VSIG1: variants seen among roughly 807,000 people sequenced by gnomAD.
The protein encoded by VSIG1 is V-set and immunoglobulin domain containing 1.
In VSIG1, 11 loss-of-function variants were observed where a neutral mutation model predicts 20.1. The ratio of observed to expected loss-of-function variants is 0.55; its 90% CI spans 0.34 to 0.91. The LOEUF (loss-of-function observed/expected upper bound fraction) is 0.91. Among genes scored for constraint, VSIG1 ranks in the 40% least tolerant of loss-of-function variants. The probability of loss-of-function intolerance (pLI) is 0.02; values close to 1 mark genes in which losing one functional copy is unlikely to be tolerated. For synonymous variants in VSIG1, 126 were observed against 116.7 expected (o/e 1.08, Z -0.52); for missense variants, 283 against 298.8 (o/e 0.95, Z 0.39).
chrX:108,047,869 TACACATATATATATATAC>T (rs1412961087), intron 1 of VSIG1, among the ~76,000 whole-genome samples: 36 of 58,492 alleles, frequency 6.2e-4, no homozygotes, highest in Admixed American at 2.2e-3. Flanking sequence ...CATATATATA[TACACATATATATATATAC>T]ACACATATAT....
In VSIG1 at chrX:108,077,093, A is replaced by G. The variant is rs2031363857; in HGVS notation, c.876A>G (p.Pro292=). The G allele has an allele frequency of 8.3e-7, 1 of 1,211,499 alleles. No homozygotes were observed. The part of the protein sequence containing the change: ...INPRGESEAM[P]REDATQLEVT... Reference sequence around the variant, plus strand: ...CAAGGGGAGAAAGCGAAGCAATGCCAAGAGAAGACGCTACCCAACTAGAAG... The same window carrying G: ...CAAGGGGAGAAAGCGAAGCAATGCCGAGAGAAGACGCTACCCAACTAGAAG... Residue 292 remains proline, a synonymous_variant, in exon 7 of 7, where the codon CCA becomes CCG. Coordinates refer to ENST00000217957, the MANE Select transcript of VSIG1 (RefSeq NM_182607.5).
At chrX:108,033,641 C>T in the VSIG1 span, among the ~76,000 whole-genome samples, 3 of 111,549 alleles carry the variant, frequency 2.7e-5, no homozygotes, top group Non-Finnish European at 5.6e-5. Flanking sequence ...GCCTGAATGT[C>T]TGCCCTGCCC....
intron 1 of VSIG1, among the ~76,000 whole-genome samples, chrX:108,047,971 T>TACACATATATATATATATATACAC (rs1569287489): frequency 1.7e-5 from 1 of 57,748 alleles, no homozygotes. Flanking sequence ...CATATATATA[T>TACACATATATATATATATATACAC]ATATATATAT....
At chrX:108,051,818 A>G (rs915610548) in intron 1 of VSIG1, among the ~76,000 whole-genome samples, 2 of 112,207 alleles carry the variant, frequency 1.8e-5, no homozygotes, top group Non-Finnish European at 3.8e-5. Flanking sequence ...AGAAAGAAGG[A>G]AATTCTGTCA....
chrX:108,022,091 G>A, the VSIG1 span, among the ~76,000 whole-genome samples: 2 of 111,614 alleles, frequency 1.8e-5, no homozygotes, highest in Admixed American at 9.5e-5. Context: ...TCTAAAAAAG[G>A]CAGCTAGAAT....
chrX:108,035,098 A>G, the VSIG1 span, among the ~76,000 whole-genome samples: 1 of 111,784 alleles, frequency 8.9e-6, no homozygotes, highest in Non-Finnish European at 1.9e-5. Flanking sequence ...TCCTGTCTTA[A>G]CAATTATTAT....
At chrX:108,032,872 T>C in the VSIG1 span, among the ~76,000 whole-genome samples, 2 of 111,207 alleles carry the variant, frequency 1.8e-5, no homozygotes, top group Admixed American at 9.5e-5. Flanking sequence ...CACTGAATAA[T>C]GTGGTAAGAA....
chrX:108,035,340 T>C, the VSIG1 span, among the ~76,000 whole-genome samples: 1 of 111,123 alleles, frequency 9.0e-6, no homozygotes, highest in Non-Finnish European at 1.9e-5. Flanking sequence ...TCTCAAGTGA[T>C]CTGCCTGCCT....
chrX:108,022,822 C>A, the VSIG1 span, among the ~76,000 whole-genome samples: 1 of 111,555 alleles, frequency 9.0e-6, no homozygotes, highest in Non-Finnish European at 1.9e-5. Context: ...TGGAGCCCTC[C>A]GTGTGGTACT....
the VSIG1 span, among the ~76,000 whole-genome samples, chrX:108,028,451 G>A: frequency 8.9e-6 from 1 of 111,760 alleles, no homozygotes; most frequent in African/African-American, 3.3e-5. Flanking sequence ...GAACATAAGA[G>A]CAAGTTACTT....
intron 1 of VSIG1, among the ~76,000 whole-genome samples, chrX:108,056,533 A>G (rs140804656): frequency 0.024 from 2,748 of 112,529 alleles, 78 homozygotes; most frequent in African/African-American, 0.085. Context: ...TCAAAACTCA[A>G]TCATTAAAAA....
chrX:108,066,303 C>A (rs1602578715), intron 2 of VSIG1, among the ~76,000 whole-genome samples: 1 of 111,048 alleles, frequency 9.0e-6, no homozygotes. Flanking sequence ...TGAGCACTTC[C>A]GAGGTCCTTT....
chrX:108,057,556 T>C (rs1602572027), intron 1 of VSIG1, among the ~76,000 whole-genome samples: 1 of 112,082 alleles, frequency 8.9e-6, no homozygotes, highest in Non-Finnish European at 1.9e-5. Flanking sequence ...TGCATGTGAA[T>C]CTACAAATAT....
At chrX:108,072,102 G>A (rs773739655) in intron 3 of VSIG1, among the ~76,000 whole-genome samples, 40 of 109,929 alleles carry the variant, frequency 3.6e-4, no homozygotes, top group African/African-American at 1.3e-3. Flanking sequence ...GACACAATGC[G>A]GAAATTCATG....
In VSIG1 at chrX:108,074,345, C is replaced by T. The variant is rs150499997; in HGVS notation, c.688+976C>T. Among the ~76,000 whole-genome samples, 621 of 111,213 alleles carry T rather than the reference C, an allele frequency of 5.6e-3. 4 individuals carry two copies. The highest frequency in any genetic ancestry group is 0.019 in the African/African-American group (585 of 30,605). On this transcript the variant is annotated intron_variant, in intron 5 of 6. Transcript: ENST00000217957. The stretch of plus-strand genomic sequence containing the variant: ...TAGAATTCCCTCAATATCTTTTTGC[C>T]TTCTCAGAGGTACAATCATACTGCA...
chrX:108,018,949 A>G, the VSIG1 span, among the ~76,000 whole-genome samples: 2 of 111,525 alleles, frequency 1.8e-5, no homozygotes, highest in African/African-American at 6.5e-5. Context: ...TCAGGGCAGC[A>G]TATGCTGGCA....
chrX:108,045,030 TA>T, upstream of VSIG1: 2 of 684,349 alleles, frequency 2.9e-6, no homozygotes, highest in South Asian at 4.7e-5. Flanking sequence ...GCCCAGCAGA[TA>T]AGCCAGGCAA....
At chrX:108,071,153 A>G (rs1212181925) in intron 3 of VSIG1, among the ~76,000 whole-genome samples, 2 of 111,249 alleles carry the variant, frequency 1.8e-5, no homozygotes, top group African/African-American at 6.5e-5. Context: ...GTGTGGATCC[A>G]GAGCTGTGCC....
Position 108,076,216 on chromosome X carries a change from T to G in VSIG1, c.828T>G (p.Leu276=), listed in dbSNP as rs1368221960. 1 of 1,203,833 alleles carries G rather than the reference T, an allele frequency of 8.3e-7. No homozygotes were observed. The highest frequency in any genetic ancestry group is 1.1e-6 in the Non-Finnish European group (1 of 892,012). ...KERNSKTIAE[L]EPMTKINPRG... ...GAAATTCTAAGACCATCGCGGAACT[T>G]GAGTAAGCCTTCATTTTGTTGTCTT... Residue 276 remains leucine, a splice_region_variant and synonymous_variant, in exon 6 of 7, where the codon CTT becomes CTG. Transcript: ENST00000217957.
Sources: gnomAD v4.1 joint callset for allele counts (sites outside exome capture counted in the v4.1 genomes callset) on GRCh38, gnomAD v4.1.1 for gene constraint, MANE v1.5 for transcripts, NCBI Gene and HGNC (gene_info 2026-07-23, HGNC 2026-07-21) for gene names.